NFIB: variants seen among roughly 807,000 people sequenced by gnomAD.
The protein encoded by NFIB is nuclear factor I B.
Under a neutral mutation model 61.5 loss-of-function variants are expected in NFIB, and 11 were observed. That is an observed-to-expected ratio of 0.18 (90% CI 0.11 to 0.30). The LOEUF (loss-of-function observed/expected upper bound fraction) is 0.30. Among genes scored for constraint, NFIB ranks in the 10% least tolerant of loss-of-function variants. The pLI is 1.00. For synonymous variants in NFIB, 260 were observed against 216.5 expected (o/e 1.20, Z -1.76); for missense variants, 471 against 608.9 (o/e 0.77, Z 2.38).
At chr9:14,283,789 C>T (rs2058535154) in intron 2 of NFIB, among the ~76,000 whole-genome samples, 1 of 152,226 alleles carries the variant, frequency 6.6e-6, no homozygotes, top group Non-Finnish European at 1.5e-5. Flanking sequence ...GACAGAGGAA[C>T]AGTGTCTGTA....
At chr9:14,124,942 G>A (rs1397430255) in intron 7 of NFIB, among the ~76,000 whole-genome samples, 1 of 152,102 alleles carries the variant, frequency 6.6e-6, no homozygotes, top group Non-Finnish European at 1.5e-5. Context: ...TACAGAAATA[G>A]TGCCTTACGT....
chr9:14,250,611 T>C lies in NFIB; in HGVS notation c.562+56378A>G, dbSNP rs184290895. ...CTTTGGTGTTCCCTTGCTTATGTCA[T>C]AGTTACCTAGAGAAAAGAGAGTATG... On this transcript the variant is annotated intron_variant, in intron 2 of 10. Transcript: ENST00000380953. Among the ~76,000 whole-genome samples, 26 of 152,348 alleles carry C rather than the reference T, an allele frequency of 1.7e-4. No individual in the cohort carries two copies. In the East Asian group the frequency reaches 4.8e-3, roughly 28 times the overall value.
At chr9:14,149,264 T>C (rs2042607088) in intron 5 of NFIB, among the ~76,000 whole-genome samples, 1 of 152,168 alleles carries the variant, frequency 6.6e-6, no homozygotes, top group Non-Finnish European at 1.5e-5. Context: ...CCATAATTAA[T>C]TCAAATTCAA....
chr9:14,088,438 C>T, intron 10 of NFIB, 112 bp from the exon 11 acceptor site: 1 of 1,159,592 alleles, frequency 8.6e-7, no homozygotes, highest in Non-Finnish European at 1.1e-6. Context: ...TTATTGCTAT[C>T]CCTATTTTCA....
intron 3 of NFIB, among the ~76,000 whole-genome samples, chr9:14,156,160 T>C (rs2043373919): frequency 1.3e-5 from 2 of 152,234 alleles, no homozygotes; most frequent in Non-Finnish European, 1.5e-5. Flanking sequence ...TGATTTGCCA[T>C]GGCCCATGCA....
At chr9:14,110,461 T>C (rs1316365296) in intron 10 of NFIB, among the ~76,000 whole-genome samples, 2 of 152,088 alleles carry the variant, frequency 1.3e-5, no homozygotes, top group Non-Finnish European at 2.9e-5. Context: ...TTTCTAATTT[T>C]GAATTTCTCC....
At chr9:14,406,946 T>A in the NFIB span, among the ~76,000 whole-genome samples, 1 of 152,214 alleles carries the variant, frequency 6.6e-6, no homozygotes, top group Non-Finnish European at 1.5e-5. Context: ...TTTTAAGCCA[T>A]TGAGATATCA....
chr9:14,219,831 G>A (rs574651485), intron 2 of NFIB, among the ~76,000 whole-genome samples: 1 of 152,202 alleles, frequency 6.6e-6, no homozygotes, highest in African/African-American at 2.4e-5. Flanking sequence ...TTAAAGCTAT[G>A]GTGAATAAAG....
the NFIB span, among the ~76,000 whole-genome samples, chr9:14,463,722 G>A: frequency 7.4e-6 from 1 of 135,370 alleles, no homozygotes; most frequent in East Asian, 2.3e-4. Flanking sequence ...GTGCAGTGGC[G>A]CAATCTCGGC....
chr9:14,170,602 C>T (rs1325532086), intron 3 of NFIB, among the ~76,000 whole-genome samples: 1 of 152,178 alleles, frequency 6.6e-6, no homozygotes, highest in East Asian at 1.9e-4. Context: ...GACTATGCCA[C>T]TGCACTCCAG....
rs1458504020 is a variant in NFIB at position 14,113,051 on chromosome 9, T to C, written c.1415A>G (p.Asn472Ser). 6.5e-7 allele frequency: 1 copy of C among 1,550,266 alleles called. No individual in the cohort carries two copies. Among genetic ancestry groups the C allele is most frequent in the Non-Finnish European group, 8.7e-7 (1 of 1,146,838 alleles). Residue 472 changes from asparagine (N) to serine (S), a missense_variant, in exon 10 of 11, where the codon AAT (asparagine) becomes AGT (serine). This residue lies in a region of NFIB where 372 missense variants were observed against 395.6 expected (regional missense o/e 0.94). Coordinates refer to ENST00000380953, the MANE Select transcript of NFIB (RefSeq NM_001190737.2). ...TCTTGGGCTTAGTCCCACATATCGATTGGCTTGAGATGTGCCTGAGGCTGT... is the reference window on the plus strand; with the variant it reads ...TCTTGGGCTTAGTCCCACATATCGACTGGCTTGAGATGTGCCTGAGGCTGT... ...AYTASGTSQA[N>S]RYVGLSPRDP... is the part of the protein sequence containing the mutation.
intron 3 of NFIB, among the ~76,000 whole-genome samples, chr9:14,156,256 G>T (rs980177545): frequency 6.6e-6 from 1 of 152,050 alleles, no homozygotes; most frequent in Non-Finnish European, 1.5e-5. Flanking sequence ...GAAAGAAAAA[G>T]GAAACCACAA....
At chr9:14,202,903 G>C (rs1176075005) in intron 2 of NFIB, among the ~76,000 whole-genome samples, 1 of 152,182 alleles carries the variant, frequency 6.6e-6, no homozygotes, top group Non-Finnish European at 1.5e-5. Flanking sequence ...GAGCTGAACA[G>C]TTGAATGCTA....
In NFIB at chr9:14,125,475, G is replaced by A. The variant is rs1057434866; in HGVS notation, c.1060+157C>T. Among the ~76,000 whole-genome samples the A allele has an allele frequency of 1.8e-4, 28 of 152,160 alleles. 1 individual carries two copies. ...CCAGAGAAATCTTTTCTCATAAATT[G>A]AGAAGAAAAAATACTTGATCGGATT... On this transcript the variant is annotated intron_variant, in intron 7 of 10. Transcript: ENST00000380953.
intron 2 of NFIB, among the ~76,000 whole-genome samples, chr9:14,258,834 G>T (rs1237070358): frequency 1.3e-5 from 2 of 152,062 alleles, no homozygotes; most frequent in African/African-American, 4.8e-5. Flanking sequence ...ACATGTATAC[G>T]TGCACACAAC....
intron 1 of NFIB, among the ~76,000 whole-genome samples, chr9:14,390,993 G>A (rs28821534): frequency 6.6e-6 from 1 of 152,128 alleles, no homozygotes; most frequent in South Asian, 2.1e-4. Flanking sequence ...CATATATAAA[G>A]AAATGGGGGG....
the NFIB span, among the ~76,000 whole-genome samples, chr9:14,525,415 A>C: frequency 6.6e-6 from 1 of 152,166 alleles, no homozygotes; most frequent in African/African-American, 2.4e-5. Flanking sequence ...GCATTTCAGC[A>C]AGTTGCTTAA....
the NFIB span, among the ~76,000 whole-genome samples, chr9:14,431,603 A>G: frequency 6.7e-6 from 1 of 148,776 alleles, no homozygotes; most frequent in Non-Finnish European, 1.5e-5. Context: ...AGGTAATATC[A>G]TCTCCCCTCT....
At chr9:14,160,894 C>T (rs1220079768) in intron 3 of NFIB, among the ~76,000 whole-genome samples, 1 of 149,508 alleles carries the variant, frequency 6.7e-6, no homozygotes, top group African/African-American at 2.5e-5. Context: ...CTGCAACCCA[C>T]AGATTCTCCC....
Sources: gnomAD v4.1 joint callset for allele counts (sites outside exome capture counted in the v4.1 genomes callset) on GRCh38, gnomAD v4.1.1 for gene constraint, gnomAD v4.1.1 regional missense constraint, MANE v1.5 for transcripts, NCBI Gene and HGNC (gene_info 2026-07-23, HGNC 2026-07-21) for gene names.